Variants in C3 observed in about 807,000 individuals in gnomAD.
The protein encoded by C3 is complement C3.
In C3, 97 loss-of-function variants were observed where a neutral mutation model predicts 207.9. The observed-to-expected ratio is 0.47, with a 90% CI of 0.40 to 0.55. The LOEUF is 0.55. Among genes scored for constraint, C3 ranks in the 20% least tolerant of loss-of-function variants. The probability of loss-of-function intolerance (pLI) is 0.00; values close to 1 mark genes in which losing one functional copy is unlikely to be tolerated. For synonymous variants in C3, 848 were observed against 857.6 expected (o/e 0.99, Z 0.20); for missense variants, 1,684 against 2,171.7 (o/e 0.78, Z 4.46).
chr19:6,697,285 T>TACG, intron 21 of C3, 59 bp downstream of exon 21: 1 of 1,279,044 alleles, frequency 7.8e-7, no homozygotes, highest in Admixed American at 1.7e-5. Flanking sequence ...GAGTCAATAG[T>TACG]ACGAAGACCA....
At position 6,719,408 on chromosome 19, in the gene C3, C is replaced by G. The variant is rs750016306; in HGVS notation, c.75-5G>C. 17 of 1,613,316 alleles carry G rather than the reference C, an allele frequency of 1.1e-5. No individual in the cohort carries two copies. Among genetic ancestry groups the G allele is most frequent in the Non-Finnish European group, 1.4e-5 (17 of 1,179,578 alleles). On this transcript the variant is annotated splice_polypyrimidine_tract_variant and splice_region_variant and intron_variant, in intron 1 of 40. Coordinates refer to ENST00000245907, the MANE Select transcript of C3 (RefSeq NM_000064.4). This position sits in a 1 kb window ranked among gnomAD's most constrained non-coding sequence, Gnocchi z 5.4. ...TTGGGGGTGATGATAGAGTACCTGT[C>G]GGAGTGGGGCACGGGAGTGGGCTTG...
intron 38 of C3, 27 bp downstream of exon 38, chr19:6,679,098 C>A: frequency 1.3e-6 from 2 of 1,557,688 alleles, no homozygotes; most frequent in East Asian, 4.5e-5. Context: ...GCTAAACATG[C>A]GTGACCCCCA....
At position 6,685,050 on chromosome 19, in the gene C3, G is replaced by A. The variant is rs567359713; in HGVS notation, c.3907C>T (p.Arg1303Cys). ...ATACGGTGGGTGATCTTGGAGCTGC[G>A]GCTGGGCAGTTGGAGGGACACATCA... is the stretch of plus-strand genomic sequence containing the variant. ...NLDVSLQLPS[R>C]SSKITHRIHW... Residue 1303 changes from arginine to cysteine, a missense_variant, in exon 30 of 41, where the codon CGC (arginine) becomes TGC (cysteine). By Grantham distance (180) the Arg-to-Cys change is radical. Transcript: ENST00000245907. 1.2e-6 allele frequency: 2 copies of A among 1,614,002 alleles called. No homozygotes were observed.
Position 6,686,730 on chromosome 19 carries a change from C to G in C3, c.3646+16G>C. On this transcript the variant is annotated intron_variant, in intron 28 of 40. Transcript: ENST00000245907. ...CAGCCATGCATCTCCCTTCACCCCT[C>G]CAGGCCAACCCTCACCTTTGGCTGT... The G allele has an allele frequency of 6.2e-7, 1 of 1,612,866 alleles. No individual in the cohort carries two copies. The highest frequency in any genetic ancestry group is 2.2e-5 in the East Asian group (1 of 44,880).
chr19:6,686,327 G>C (rs376282371), intron 28 of C3, 40 bp from the exon 29 acceptor site: 2 of 1,609,426 alleles, frequency 1.2e-6, no homozygotes, highest in Non-Finnish European at 1.7e-6. Flanking sequence ...TCACTGCTCT[G>C]TCCAGCCTGG....
Position 6,686,772 on chromosome 19 carries a change from AG to A in C3, c.3619del (p.Asn1208ThrfsTer4). 2 of 1,614,012 alleles carry A rather than the reference AG, an allele frequency of 1.2e-6. No homozygotes were observed. Among genetic ancestry groups the A allele is most frequent in the Non-Finnish European group, 1.7e-6 (2 of 1,180,050 alleles). On this transcript the variant is annotated frameshift_variant, in exon 28 of 41. Coordinates refer to ENST00000245907, the MANE Select transcript of C3 (RefSeq NM_000064.4). LOFTEE classifies it high-confidence loss of function. ...AQMGRLKGPL[L>X]NKFLTTAKDK... The stretch of plus-strand genomic sequence containing the variant: ...TTTGGCTGTGGTCAGAAATTTGTTA[AG>A]AAGAGGCCCCTTCAGCCTGCCCATC...
At chr19:6,684,881 C>T in intron 30 of C3, 47 bp from the exon 31 acceptor site, 1 of 1,610,840 alleles carries the variant, frequency 6.2e-7, no homozygotes, top group South Asian at 1.1e-5. Flanking sequence ...ATTAAGCCTT[C>T]TGCTGCCTGT....
At chr19:6,705,659 C>A (rs1222399664) in intron 17 of C3, among the ~76,000 whole-genome samples, 1 of 118,374 alleles carries the variant, frequency 8.4e-6, no homozygotes, top group Non-Finnish European at 1.8e-5. Flanking sequence ...TTTTCTTTTT[C>A]CTTTCTTTTT....
intron 26 of C3, among the ~76,000 whole-genome samples, chr19:6,692,094 G>T (rs1918183798): frequency 6.6e-6 from 1 of 151,776 alleles, no homozygotes; most frequent in East Asian, 1.9e-4. Context: ...TGAGTCTGGG[G>T]TCCGGTCTCA....
chr19:6,703,940 C>T (rs938527863), intron 17 of C3, among the ~76,000 whole-genome samples: 5 of 151,954 alleles, frequency 3.3e-5, no homozygotes, highest in African/African-American at 1.2e-4. Context: ...GAGCGAGACT[C>T]CCTCTCAAAC....
chr19:6,679,412 G>A lies in C3; in HGVS notation c.4541C>T (p.Ala1514Val). The change falls in exon 37 of 41, where the codon GCT becomes GTT. Residue 1514 changes from alanine (A) to valine (V), a missense_variant. Around this residue, in one of 3 missense-constraint regions of C3, gnomAD observed 346 missense variants for 380.1 expected, o/e 0.91. Transcript: ENST00000245907. The stretch of plus-strand genomic sequence containing the variant: ...CCCGGCTCCAGGGAACTCACCCTCA[G>A]CACAGCGGCACAGTTCATCACGGCA... Reference protein sequence around the residue: ...KLCRDELCRCAEENCFIQKSD... With the variant: ...KLCRDELCRCVEENCFIQKSD... 1.2e-6 allele frequency: 2 copies of A among 1,612,810 alleles called. No homozygotes were observed. The highest frequency in any genetic ancestry group is 1.1e-5 in the South Asian group (1 of 91,052).
intron 17 of C3, among the ~76,000 whole-genome samples, chr19:6,703,687 C>T (rs1367117764): frequency 1.3e-5 from 2 of 152,124 alleles, no homozygotes; most frequent in East Asian, 1.9e-4. Flanking sequence ...GTGTCTGCTT[C>T]CTCTGAGGGA....
At chr19:6,704,165 T>C (rs1293966452) in intron 17 of C3, among the ~76,000 whole-genome samples, 1 of 151,954 alleles carries the variant, frequency 6.6e-6, no homozygotes, top group African/African-American at 2.4e-5. Flanking sequence ...CCTGTAGTCC[T>C]AGCTACTCAG....
chr19:6,685,279 G>A (rs1488479041), intron 29 of C3, 133 bp from the exon 30 acceptor site: 2 of 802,734 alleles, frequency 2.5e-6, no homozygotes, highest in East Asian at 2.7e-5. Flanking sequence ...AGAGTGCAGG[G>A]GTGATAACTG....
At chr19:6,711,576 A>G (rs1170564197) in intron 11 of C3, among the ~76,000 whole-genome samples, 11 of 152,150 alleles carry the variant, frequency 7.2e-5, no homozygotes, top group Admixed American at 3.3e-4. Context: ...CTCTCAAACT[A>G]TAGACCCATA....
At chr19:6,696,067 G>A (rs894490936) in intron 23 of C3, among the ~76,000 whole-genome samples, 62 of 151,690 alleles carry the variant, frequency 4.1e-4, no homozygotes, top group African/African-American at 1.2e-3. Context: ...AAAATTAGCC[G>A]GGCGTGGTGG....
At chr19:6,690,943 G>T (rs1460539293) in intron 26 of C3, among the ~76,000 whole-genome samples, 1 of 152,174 alleles carries the variant, frequency 6.6e-6, no homozygotes, top group Admixed American at 6.5e-5. Context: ...AATGTACAAT[G>T]GGTACAACGG....
At chr19:6,709,623 C>T (rs1967860878) in intron 14 of C3, 61 bp downstream of exon 14, 7 of 1,035,686 alleles carry the variant, frequency 6.8e-6, no homozygotes, top group East Asian at 5.8e-5. Context: ...CCACCCACCT[C>T]CCCCAGCCCC....
intron 18 of C3, 124 bp from the exon 19 acceptor site, chr19:6,702,336 C>T: frequency 1.1e-6 from 1 of 939,866 alleles, no homozygotes; most frequent in Non-Finnish European, 1.7e-6. Context: ...CCATGTAGGT[C>T]ACCCAATTCC....
Sources: gnomAD v4.1 joint callset for allele counts (sites outside exome capture counted in the v4.1 genomes callset) on GRCh38, gnomAD v4.1.1 for gene constraint, gnomAD v4.1.1 regional missense constraint, Gnocchi (gnomAD v3.1) non-coding constraint, MANE v1.5 for transcripts, NCBI Gene and HGNC (gene_info 2026-07-23, HGNC 2026-07-21) for gene names.